MYLK4: variants seen among roughly 807,000 people sequenced by gnomAD.
MYLK4 encodes myosin light chain kinase family member 4, also known as caMLCK like.
A neutral mutation model predicts 48.1 loss-of-function variants in MYLK4; 46 were observed. The ratio of observed to expected loss-of-function variants is 0.96; its 90% CI spans 0.75 to 1.22. The LOEUF (loss-of-function observed/expected upper bound fraction) is 1.22. Ranked by LOEUF, MYLK4 falls within the 50% of genes most tolerant of loss-of-function variation. The pLI is 0.00. For synonymous variants in MYLK4, 170 were observed against 180.8 expected (o/e 0.94, Z 0.48); for missense variants, 451 against 486.1 (o/e 0.93, Z 0.68).
intron 2 of MYLK4, chr6:2,744,179 T>C: frequency 2.5e-6 from 1 of 397,028 alleles, no homozygotes; most frequent in Non-Finnish European, 4.4e-6. Flanking sequence ...TCTTGCAGAG[T>C]CCTGCACTGG....
intron 2 of MYLK4, among the ~76,000 whole-genome samples, chr6:2,742,514 T>TAC (rs770534996): frequency 7.6e-4 from 115 of 151,030 alleles, no homozygotes; most frequent in South Asian, 1.3e-3. Context: ...GTGGCACATA[T>TAC]ACACCATGGA....
At chr6:2,694,205 T>G (rs1192332238) in intron 2 of MYLK4, among the ~76,000 whole-genome samples, 2 of 152,086 alleles carry the variant, frequency 1.3e-5, no homozygotes, top group African/African-American at 2.4e-5. Flanking sequence ...AGTTTCTCTT[T>G]AAGTGAAAGT....
At chr6:2,766,301 C>T in the MYLK4 span, 7 of 1,608,190 alleles carry the variant, frequency 4.4e-6, no homozygotes, top group Admixed American at 1.7e-5. Flanking sequence ...GGGCAAGCCG[C>T]TGGCCGACAC....
At chr6:2,667,941 G>T (rs560887162) in intron 12 of MYLK4, 42 bp from the exon 13 acceptor site, 27 of 152,630 alleles carry the variant, frequency 1.8e-4, no homozygotes, top group African/African-American at 6.5e-4. Context: ...ATTCAGCAGG[G>T]TTTTTAAAAT....
At chr6:2,668,825 T>C (rs1481473812) in intron 12 of MYLK4, among the ~76,000 whole-genome samples, 1 of 152,168 alleles carries the variant, frequency 6.6e-6, no homozygotes, top group Non-Finnish European at 1.5e-5. Context: ...ATCTCAGTGC[T>C]TTGGGAGGCA....
At chr6:2,755,131 TA>T (rs1304555804), upstream of MYLK4, among the ~76,000 whole-genome samples, 2 of 152,162 alleles carry the variant, frequency 1.3e-5, no homozygotes, top group Non-Finnish European at 2.9e-5. Flanking sequence ...AAACAGGTTT[TA>T]AAAATTAGAT....
the MYLK4 span, chr6:2,766,587 G>A: frequency 7.3e-7 from 1 of 1,369,270 alleles, no homozygotes; most frequent in Admixed American, 3.0e-5. Context: ...CTGGGCTGGG[G>A]CAGTGCCTGG....
intron 3 of MYLK4, among the ~76,000 whole-genome samples, chr6:2,690,079 G>C (rs1406653426): frequency 6.6e-6 from 1 of 152,160 alleles, no homozygotes; most frequent in Non-Finnish European, 1.5e-5. Flanking sequence ...ATGAAATTTA[G>C]TCTGTAATGC....
At chr6:2,757,195 A>G in the MYLK4 span, among the ~76,000 whole-genome samples, 1 of 151,464 alleles carries the variant, frequency 6.6e-6, no homozygotes, top group East Asian at 1.9e-4. Flanking sequence ...AAATAAGTTG[A>G]GCTATTATGT....
chr6:2,692,650 G>T (rs1761850719), intron 3 of MYLK4, 134 bp downstream of exon 3: 1 of 580,584 alleles, frequency 1.7e-6, no homozygotes, highest in Non-Finnish European at 2.7e-6. Context: ...AAAGGGGGGG[G>T]GGGGCATTTT....
chr6:2,715,608 G>A (rs1762839390), intron 2 of MYLK4, among the ~76,000 whole-genome samples: 1 of 152,132 alleles, frequency 6.6e-6, no homozygotes, highest in Non-Finnish European at 1.5e-5. Context: ...CTAGGGGAAA[G>A]GAGCATCTCC....
chr6:2,676,748 A>G (rs1761095960), intron 10 of MYLK4, among the ~76,000 whole-genome samples: 2 of 152,174 alleles, frequency 1.3e-5, no homozygotes, highest in Non-Finnish European at 2.9e-5. Context: ...CCACCTCTGC[A>G]TCTGCTCTGA....
intron 2 of MYLK4, among the ~76,000 whole-genome samples, chr6:2,722,377 GTAGTGCT>G (rs1032146415): frequency 6.6e-6 from 1 of 152,184 alleles, no homozygotes; most frequent in Non-Finnish European, 1.5e-5. Flanking sequence ...AAAATTTATA[GTAGTGCT>G]TTACATAGCT....
At chr6:2,691,621 A>G (rs1761803417) in intron 3 of MYLK4, among the ~76,000 whole-genome samples, 3 of 152,232 alleles carry the variant, frequency 2.0e-5, no homozygotes, top group Admixed American at 2.0e-4. Context: ...ACTTACGGAT[A>G]AATCTAGTCA....
intron 2 of MYLK4, among the ~76,000 whole-genome samples, chr6:2,699,534 T>A (rs964220359): frequency 1.3e-5 from 2 of 151,294 alleles, no homozygotes; most frequent in Admixed American, 1.3e-4. Context: ...CCTGACCTCG[T>A]GATCCACCTG....
chr6:2,756,280 T>C, the MYLK4 span, among the ~76,000 whole-genome samples: 1 of 152,252 alleles, frequency 6.6e-6, no homozygotes, highest in Admixed American at 6.5e-5. Flanking sequence ...AAAATGGACA[T>C]ACACTCCCTA....
the MYLK4 span, chr6:2,765,742 G>A: frequency 2.6e-6 from 4 of 1,514,394 alleles, no homozygotes; most frequent in Non-Finnish European, 3.5e-6. Flanking sequence ...ACCGCTGTCT[G>A]CTGCTCCACC....
At chr6:2,707,222 A>T (rs561779127) in intron 2 of MYLK4, among the ~76,000 whole-genome samples, 15 of 152,330 alleles carry the variant, frequency 9.8e-5, no homozygotes, top group African/African-American at 3.6e-4. Flanking sequence ...TGCTTTAAGA[A>T]TAGTAACTTT....
In MYLK4 at chr6:2,742,307, T is replaced by C. The variant is rs143110476; in HGVS notation, c.159+6829A>G. Among the ~76,000 whole-genome samples, 31 of 152,262 alleles carry C rather than the reference T, an allele frequency of 2.0e-4. No homozygotes were observed. The East Asian group carries it at 4.6e-3, about 23-fold the overall frequency. On this transcript the variant is annotated intron_variant, in intron 2 of 12. Transcript: ENST00000274643. Reference sequence around the variant, plus strand: ...TTCTGAACACCAACAAGATGCCGAGTTGGTGGCTTCTTGTTGAATAAGAAT... The same window carrying C: ...TTCTGAACACCAACAAGATGCCGAGCTGGTGGCTTCTTGTTGAATAAGAAT...
Sources: allele counts gnomAD v4.1 joint callset (sites outside exome capture counted in the v4.1 genomes callset), GRCh38; gene constraint gnomAD v4.1.1; transcripts MANE v1.5; gene names NCBI Gene and HGNC (gene_info 2026-07-23, HGNC 2026-07-21).